MYO10: variants seen among roughly 807,000 people sequenced by gnomAD.
The protein encoded by MYO10 is myosin X.
MYO10 carries 133 observed loss-of-function variants against 257.3 expected under a neutral mutation model. The observed-to-expected ratio is 0.52, with a 90% CI of 0.45 to 0.60. MYO10 has a LOEUF of 0.60. MYO10 is among the 20% of genes least tolerant of loss of function. The pLI is 0.00. For synonymous variants in MYO10, 1,104 were observed against 1,028.6 expected (o/e 1.07, Z -1.40); for missense variants, 2,399 against 2,635.7 (o/e 0.91, Z 1.97).
chr5:16,807,391 C>G (rs1742308219), intron 3 of MYO10, among the ~76,000 whole-genome samples: 1 of 152,148 alleles, frequency 6.6e-6, no homozygotes, highest in Admixed American at 6.6e-5. Flanking sequence ...GGCCCCCAAA[C>G]CCAGTTAAAC....
At position 16,726,780 on chromosome 5, in the gene MYO10, T is replaced by A. The variant is rs571969470; in HGVS notation, c.1930-15535A>T. On this transcript the variant is annotated intron_variant, in intron 19 of 40. Transcript: ENST00000513610. ...CAAAATAGAAATCAACTTCTGAGCA[T>A]TAAAACCCACGAGATGATACATTTA... Among the ~76,000 whole-genome samples, 14 of 152,314 alleles carry A rather than the reference T, an allele frequency of 9.2e-5. No homozygotes were observed. In the South Asian group the frequency reaches 2.7e-3, roughly 29 times the overall value.
chr5:16,825,939 G>A (rs1335126339), intron 2 of MYO10, among the ~76,000 whole-genome samples: 1 of 152,172 alleles, frequency 6.6e-6, no homozygotes, highest in Admixed American at 6.5e-5. Flanking sequence ...TGGCAGGTCA[G>A]GAGATCGAGA....
chr5:16,887,548 T>C (rs923726820), intron 1 of MYO10, among the ~76,000 whole-genome samples: 1 of 152,234 alleles, frequency 6.6e-6, no homozygotes, highest in Non-Finnish European at 1.5e-5. Flanking sequence ...TGGAATGCAG[T>C]GGCATGATCT....
chr5:16,891,376 G>A (rs1418535379), intron 1 of MYO10, among the ~76,000 whole-genome samples: 1 of 114,660 alleles, frequency 8.7e-6, no homozygotes, highest in Non-Finnish European at 1.8e-5. Flanking sequence ...AGGAAGGAAG[G>A]AAGGAGAGAG....
intron 19 of MYO10, among the ~76,000 whole-genome samples, chr5:16,723,790 G>T (rs986802423): frequency 1.3e-5 from 2 of 152,152 alleles, no homozygotes; most frequent in Admixed American, 1.3e-4. Flanking sequence ...AAGCTATCAA[G>T]CCACAAAAAG....
chr5:16,782,714 G>A (rs991893885), intron 5 of MYO10, among the ~76,000 whole-genome samples: 1 of 152,094 alleles, frequency 6.6e-6, no homozygotes, highest in Non-Finnish European at 1.5e-5. Context: ...AGTCCCTACC[G>A]GTTCTAAAGT....
intron 19 of MYO10, among the ~76,000 whole-genome samples, chr5:16,730,585 G>T (rs756101107): frequency 2.6e-5 from 4 of 152,208 alleles, no homozygotes; most frequent in Non-Finnish European, 5.9e-5. Context: ...GTCAACAGGG[G>T]CAGCATCAGC....
At chr5:16,903,857 C>A (rs1037098898) in intron 1 of MYO10, among the ~76,000 whole-genome samples, 1 of 152,144 alleles carries the variant, frequency 6.6e-6, no homozygotes, top group Non-Finnish European at 1.5e-5. Context: ...GGAGTGAGGA[C>A]CTGCGTTCCA....
rs921325562 is a variant in MYO10, at chr5:16,694,496, G to A, written c.3675C>T (p.Gly1225=). 3.7e-6 allele frequency: 6 copies of A among 1,613,502 alleles called. No homozygotes were observed. Among genetic ancestry groups the A allele is most frequent in the Non-Finnish European group, 5.1e-6 (6 of 1,179,806 alleles). Residue 1225 remains glycine (G), a synonymous_variant, in exon 27 of 41, where the codon GGC becomes GGT. Coordinates refer to ENST00000513610, the MANE Select transcript of MYO10 (RefSeq NM_012334.3). ...AATTTCTCCTGGACAGCGTGGAGGA[G>A]CCCCCCCCTTTTTTGTGGAGCCAGC... ...KQGWLHKKGG[G]SSTLSRRNWK... is the part of the protein sequence containing the mutation.
intron 4 of MYO10, among the ~76,000 whole-genome samples, chr5:16,785,367 C>T (rs1026968899): frequency 3.9e-5 from 6 of 152,324 alleles, no homozygotes; most frequent in Non-Finnish European, 8.8e-5. Flanking sequence ...GAGACAGTTT[C>T]AAGGAACGAT....
intron 4 of MYO10, among the ~76,000 whole-genome samples, chr5:16,792,577 C>T (rs79038985): frequency 0.15 from 17,666 of 119,914 alleles, 1,161 homozygotes; most frequent in South Asian, 0.33. Flanking sequence ...TCCCTCCCCA[C>T]AGGAGCGGGG....
chr5:16,880,546 C>A (rs1220256554), intron 1 of MYO10, among the ~76,000 whole-genome samples: 1 of 152,134 alleles, frequency 6.6e-6, no homozygotes, highest in Non-Finnish European at 1.5e-5. Context: ...CAAAGATGCT[C>A]CAAACAGGAG....
chr5:16,737,265 C>T (rs1296974920), intron 19 of MYO10, among the ~76,000 whole-genome samples: 1 of 152,148 alleles, frequency 6.6e-6, no homozygotes, highest in Non-Finnish European at 1.5e-5. Flanking sequence ...ACAGTATTCC[C>T]TTTTAAGTGA....
In MYO10 at chr5:16,662,869, T is replaced by C. The variant is rs1229716469; in HGVS notation, c.*3823A>G. The C allele has an allele frequency of 2.0e-5, 3 of 152,188 alleles. No homozygotes were observed. Among genetic ancestry groups the C allele is most frequent in the Non-Finnish European group, 4.4e-5 (3 of 68,044 alleles). The allele number at this position is 152,188 out of a possible 1,614,324, so 9.4% of individuals were successfully genotyped here. ...CTCTCTTGCCTGCTGCCATATAAGA[T>C]GTGCCTTTTCTCCTCCTTTGCTGTC... On this transcript the variant is annotated 3_prime_UTR_variant, in exon 41 of 41. Coordinates refer to ENST00000513610, the MANE Select transcript of MYO10 (RefSeq NM_012334.3).
At chr5:16,871,582 G>A (rs555868982) in intron 2 of MYO10, among the ~76,000 whole-genome samples, 4 of 152,140 alleles carry the variant, frequency 2.6e-5, no homozygotes, top group African/African-American at 9.6e-5. Context: ...ATTCAAGACT[G>A]GGTAACTGAG....
intron 1 of MYO10, among the ~76,000 whole-genome samples, chr5:16,911,990 A>G (rs537935189): frequency 1.3e-5 from 2 of 152,220 alleles, no homozygotes; most frequent in African/African-American, 4.8e-5. Flanking sequence ...AGCCAAGATC[A>G]TGCCATTGCA....
chr5:16,668,440 A>G lies in MYO10; in HGVS notation c.5912T>C (p.Leu1971Pro). 6.2e-7 allele frequency: 1 copy of G among 1,611,436 alleles called. No individual in the cohort carries two copies. The highest frequency in any genetic ancestry group is 8.5e-7 in the Non-Finnish European group (1 of 1,178,940). Residue 1971 changes from leucine to proline, a missense_variant, in exon 40 of 41, where the codon CTC (leucine) becomes CCC (proline). Around this residue, in one of 3 missense-constraint regions of MYO10, gnomAD observed 1,820 missense variants for 1,939.4 expected, o/e 0.94. Coordinates refer to ENST00000513610, the MANE Select transcript of MYO10 (RefSeq NM_012334.3). Reference protein sequence around the residue: ...ECKEGGFPQELWLGVSADAVS... With the variant: ...ECKEGGFPQEPWLGVSADAVS... ...GGCGTCCGCGCTGACACCCAACCAG[A>G]GTTCCTGAGGGAAGCCACCTTCCTT...
At position 16,664,131 on chromosome 5, in the gene MYO10, G is replaced by C. The variant is rs10079058; in HGVS notation, c.*2561C>G. ...AACTGAAGGGCACGCAGGCCTCCCT[G>C]TACGTTCTGTTGCAACTTTCTCTGA... On this transcript the variant is annotated 3_prime_UTR_variant, in exon 41 of 41. Transcript: ENST00000513610. 0.36 allele frequency: 54,846 copies of C among 151,910 alleles called. 10,215 individuals carry two copies. Among genetic ancestry groups the C allele is most frequent in the African/African-American group, 0.41 (17,049 of 41,414 alleles). The allele number at this position is 151,910 out of a possible 1,614,324, so 9.4% of individuals were successfully genotyped here. A position where few individuals can be genotyped will look rare whatever the true frequency, so the allele number is the denominator to read the frequency against.
At chr5:16,685,637 CTG>C in intron 29 of MYO10, 99 bp downstream of exon 29, 5 of 869,386 alleles carry the variant, frequency 5.8e-6, no homozygotes, top group Non-Finnish European at 9.0e-6. Flanking sequence ...TAAAAAAAGA[CTG>C]TCTGGAAATT....
Sources: allele counts gnomAD v4.1 joint callset (sites outside exome capture counted in the v4.1 genomes callset), GRCh38; gene constraint gnomAD v4.1.1; regional missense constraint gnomAD v4.1.1; transcripts MANE v1.5; gene names NCBI Gene and HGNC (gene_info 2026-07-23, HGNC 2026-07-21).